HECW2: variants seen among roughly 807,000 people sequenced by gnomAD.
HECW2 encodes the protein E3 ubiquitin-protein ligase HECW2.
In HECW2, 61 loss-of-function variants were observed where a neutral mutation model predicts 175.2. That is an observed-to-expected ratio of 0.35 (90% CI 0.28 to 0.43). The LOEUF (loss-of-function observed/expected upper bound fraction) is 0.43. Among genes scored for constraint, HECW2 ranks in the 20% least tolerant of loss-of-function variants. The pLI is 1.00. For missense variants in HECW2, 1,524 were observed against 2,000.5 expected (o/e 0.76, Z 4.54); for synonymous variants, 671 against 731.0 (o/e 0.92, Z 1.32).
chr2:196,414,189 T>C (rs1316892130), intron 2 of HECW2, among the ~76,000 whole-genome samples: 1 of 152,230 alleles, frequency 6.6e-6, no homozygotes, highest in African/African-American at 2.4e-5. Flanking sequence ...TCCAGGGGAC[T>C]TGAGCACAGC....
intron 2 of HECW2, among the ~76,000 whole-genome samples, chr2:196,390,452 C>G (rs1694472119): frequency 6.6e-6 from 1 of 152,172 alleles, no homozygotes; most frequent in Non-Finnish European, 1.5e-5. Context: ...GCAGCAGACA[C>G]TTGGTCACCT....
At chr2:196,579,164 AT>A (rs151196110) in intron 1 of HECW2, among the ~76,000 whole-genome samples, 5,324 of 152,196 alleles carry the variant, frequency 0.035, 305 homozygotes, top group African/African-American at 0.12. Flanking sequence ...GTTAATTGTA[AT>A]CCCCAGAGCA....
intron 1 of HECW2, among the ~76,000 whole-genome samples, chr2:196,473,909 T>C (rs1265363687): frequency 2.0e-5 from 3 of 152,220 alleles, no homozygotes; most frequent in Non-Finnish European, 4.4e-5. Context: ...ATTTAGAAAA[T>C]GGCACATCAC....
intron 2 of HECW2, among the ~76,000 whole-genome samples, chr2:196,395,925 T>G (rs551649086): frequency 1.3e-5 from 2 of 152,338 alleles, no homozygotes; most frequent in South Asian, 4.1e-4. Context: ...GGTATCTGTA[T>G]GCCCACGTTC....
At chr2:196,516,068 T>C (rs1448024316) in intron 1 of HECW2, among the ~76,000 whole-genome samples, 1 of 151,474 alleles carries the variant, frequency 6.6e-6, no homozygotes, top group Non-Finnish European at 1.5e-5. Context: ...ACCTGGGAGG[T>C]AGAGTTTGCA....
chr2:196,343,499 T>A (rs900298474), intron 3 of HECW2, among the ~76,000 whole-genome samples, 158 bp downstream of exon 3: 1 of 152,240 alleles, frequency 6.6e-6, no homozygotes, highest in African/African-American at 2.4e-5. Context: ...GAACATTCTT[T>A]ACTGAGCATT....
At chr2:196,426,302 A>C (rs1695545976) in intron 2 of HECW2, among the ~76,000 whole-genome samples, 1 of 152,130 alleles carries the variant, frequency 6.6e-6, no homozygotes, top group Admixed American at 6.5e-5. Context: ...CCGAAACCAC[A>C]CTATCTCTAG....
chr2:196,232,060 A>G (rs796799921), intron 21 of HECW2, among the ~76,000 whole-genome samples: 15 of 152,152 alleles, frequency 9.9e-5, no homozygotes, highest in Admixed American at 9.8e-4. Context: ...TAGAATACTA[A>G]GTGTGAGGCA....
chr2:196,549,848 T>A (rs1244314798), intron 1 of HECW2, among the ~76,000 whole-genome samples: 1 of 152,168 alleles, frequency 6.6e-6, no homozygotes, highest in African/African-American at 2.4e-5. Context: ...ACCTGATATG[T>A]TTCAGGCAAT....
intron 1 of HECW2, among the ~76,000 whole-genome samples, chr2:196,529,238 T>C (rs1333106828): frequency 6.6e-6 from 1 of 152,202 alleles, no homozygotes; most frequent in African/African-American, 2.4e-5. Context: ...TCAAGAATGA[T>C]ATTTTGGAAG....
At chr2:196,459,457 T>A (rs1297184631) in intron 1 of HECW2, among the ~76,000 whole-genome samples, 1 of 152,098 alleles carries the variant, frequency 6.6e-6, no homozygotes, top group Admixed American at 6.5e-5. Context: ...GATGAAATCC[T>A]AAGCCCCCCC....
intron 2 of HECW2, among the ~76,000 whole-genome samples, chr2:196,431,525 TAA>T (rs1272452989): frequency 6.6e-6 from 1 of 152,218 alleles, no homozygotes; most frequent in Admixed American, 6.5e-5. Context: ...AGTCTCATAT[TAA>T]GTCTTCTATT....
chr2:196,424,781 T>A (rs144265373), intron 2 of HECW2, among the ~76,000 whole-genome samples: 309 of 152,230 alleles, frequency 2.0e-3, no homozygotes, highest in African/African-American at 6.9e-3. Context: ...CTCTATAGCA[T>A]AAAAGTACAA....
In HECW2 at chr2:196,401,376, A is replaced by T. The variant is rs530510834; in HGVS notation, c.292+31756T>A. The stretch of plus-strand genomic sequence containing the variant: ...CAGAAGAATGCATATAACATAATAC[A>T]TTTTTGTTTAAAAGTACACTTGTGC... On this transcript the variant is annotated intron_variant, in intron 2 of 28. Transcript: ENST00000644978. Among the ~76,000 whole-genome samples the T allele has an allele frequency of 3.9e-5, 6 of 152,330 alleles. No individual in the cohort carries two copies. In the South Asian group the frequency reaches 1.2e-3, roughly 32 times the overall value.
At chr2:196,491,429 GTA>G (rs1446500537) in intron 1 of HECW2, among the ~76,000 whole-genome samples, 1 of 137,972 alleles carries the variant, frequency 7.2e-6, no homozygotes, top group African/African-American at 2.7e-5. Flanking sequence ...TATATTGTGT[GTA>G]TATACACACA....
At chr2:196,370,261 C>T (rs1346813618) in intron 2 of HECW2, among the ~76,000 whole-genome samples, 1 of 152,006 alleles carries the variant, frequency 6.6e-6, no homozygotes, top group Admixed American at 6.6e-5. Context: ...GGTCTGAGTC[C>T]TTCCCTTCAA....
intron 1 of HECW2, among the ~76,000 whole-genome samples, chr2:196,459,921 T>C (rs879830391): frequency 3.9e-5 from 6 of 152,144 alleles, no homozygotes; most frequent in Admixed American, 3.9e-4. Flanking sequence ...TGCATGCGCA[T>C]GTTTCTCCCT....
At chr2:196,394,240 T>G (rs1186462781) in intron 2 of HECW2, among the ~76,000 whole-genome samples, 1 of 152,132 alleles carries the variant, frequency 6.6e-6, no homozygotes, top group Non-Finnish European at 1.5e-5. Context: ...ACATGGCACA[T>G]GTATGCATAC....
intron 1 of HECW2, among the ~76,000 whole-genome samples, chr2:196,447,244 C>A (rs1483364549): frequency 6.6e-6 from 1 of 152,036 alleles, no homozygotes; most frequent in Admixed American, 6.6e-5. Flanking sequence ...TTCTTTTGAC[C>A]TAAGTGTTCA....
Sources: allele counts gnomAD v4.1 joint callset (sites outside exome capture counted in the v4.1 genomes callset), GRCh38; gene constraint gnomAD v4.1.1; transcripts MANE v1.5; gene names NCBI Gene and HGNC (gene_info 2026-07-23, HGNC 2026-07-21).